ADGRB3: variants seen among roughly 807,000 people sequenced by gnomAD.
ADGRB3 encodes brain-specific angiogenesis inhibitor 3.
Under a neutral mutation model 193.4 loss-of-function variants are expected in ADGRB3, and 37 were observed. The ratio of observed to expected loss-of-function variants is 0.19; its 90% CI spans 0.15 to 0.25. The LOEUF is 0.25. Among genes scored for constraint, ADGRB3 ranks in the 10% least tolerant of loss-of-function variants. ADGRB3 has a pLI of 1.00. For synonymous variants in ADGRB3, 690 were observed against 644.2 expected, an observed-to-expected ratio of 1.07 and a Z score of -1.08; for missense variants, 1,637 against 1,852.9, an observed-to-expected ratio of 0.88 and a Z score of 2.14.
Position 69,339,652 on chromosome 6 carries a change from T to C in ADGRB3, c.3459+148T>C, listed in dbSNP as rs1768934282. ...TGGGAATCAAAGCTGAAGGAATGCT[T>C]TAAGACACAGCTTGGGAGAGCCCCC... On this transcript the variant is annotated intron_variant, in intron 26 of 31. Transcript: ENST00000370598. 4.0e-6 allele frequency: 4 copies of C among 1,005,866 alleles called. No homozygotes were observed. In the Admixed American group the frequency reaches 7.1e-5, roughly 18 times the overall value. 62.3% of individuals were successfully genotyped at this position (1,005,866 alleles called of 1,614,324 possible). A position where few individuals can be genotyped will look rare whatever the true frequency, so the allele number is the denominator to read the frequency against.
intron 3 of ADGRB3, among the ~76,000 whole-genome samples, chr6:68,733,506 G>A (rs1765813747): frequency 6.6e-6 from 1 of 151,764 alleles, no homozygotes; most frequent in East Asian, 1.9e-4. Flanking sequence ...AGGGAGGAAA[G>A]CATTGAAAAC....
chr6:69,352,124 A>G (rs1048275314), intron 26 of ADGRB3, among the ~76,000 whole-genome samples: 1 of 152,160 alleles, frequency 6.6e-6, no homozygotes, highest in African/African-American at 2.4e-5. Flanking sequence ...TACTTTCTTA[A>G]TGGTTTCCCC....
At chr6:68,739,119 C>T (rs772060626) in intron 3 of ADGRB3, among the ~76,000 whole-genome samples, 19 of 152,092 alleles carry the variant, frequency 1.2e-4, no homozygotes, top group Non-Finnish European at 2.2e-4. Flanking sequence ...AGAAACGTAG[C>T]GATCATTGAT....
chr6:69,307,823 G>A (rs1425365090), intron 20 of ADGRB3, among the ~76,000 whole-genome samples: 1 of 151,394 alleles, frequency 6.6e-6, no homozygotes, highest in South Asian at 2.1e-4. Flanking sequence ...AATGGCTAAA[G>A]GGTGTGACTG....
At chr6:68,963,841 G>A (rs921781711) in intron 8 of ADGRB3, among the ~76,000 whole-genome samples, 112 of 152,062 alleles carry the variant, frequency 7.4e-4, no homozygotes, top group Non-Finnish European at 3.8e-4. Context: ...TTATTATATA[G>A]TATTATTATT....
chr6:69,010,304 G>T (rs1481915454), intron 11 of ADGRB3, among the ~76,000 whole-genome samples: 2 of 152,046 alleles, frequency 1.3e-5, no homozygotes, highest in Admixed American at 1.3e-4. Flanking sequence ...CCCAGAGTTA[G>T]TAGTGAATCA....
At chr6:69,282,182 TA>T (rs1767450619) in intron 20 of ADGRB3, among the ~76,000 whole-genome samples, 1 of 152,078 alleles carries the variant, frequency 6.6e-6, no homozygotes, top group Non-Finnish European at 1.5e-5. Context: ...ATTTGGCAAA[TA>T]AAATGAATAT....
At chr6:68,687,488 G>T (rs966517991) in intron 3 of ADGRB3, among the ~76,000 whole-genome samples, 8 of 151,988 alleles carry the variant, frequency 5.3e-5, no homozygotes, top group African/African-American at 1.9e-4. Context: ...CAGTTTTCAG[G>T]TATATGCGAT....
chr6:69,275,253 C>T (rs1301854325), intron 20 of ADGRB3, among the ~76,000 whole-genome samples: 1 of 152,038 alleles, frequency 6.6e-6, no homozygotes, highest in Non-Finnish European at 1.5e-5. Flanking sequence ...TTCAAAGGTA[C>T]TTCACAGTTT....
At chr6:68,695,397 T>C (rs186362580) in intron 3 of ADGRB3, among the ~76,000 whole-genome samples, 2 of 152,192 alleles carry the variant, frequency 1.3e-5, no homozygotes, top group African/African-American at 4.8e-5. Flanking sequence ...CTTCTTGCAC[T>C]CATTTACCAC....
intron 17 of ADGRB3, among the ~76,000 whole-genome samples, chr6:69,113,173 C>G (rs1773419519): frequency 6.6e-6 from 1 of 152,026 alleles, no homozygotes; most frequent in Non-Finnish European, 1.5e-5. Context: ...AGTACTGGAA[C>G]CAATCCCCTA....
chr6:69,313,369 T>C (rs1324734550), intron 20 of ADGRB3, among the ~76,000 whole-genome samples: 3 of 151,824 alleles, frequency 2.0e-5, no homozygotes, highest in Admixed American at 2.0e-4. Context: ...CATTCCACAT[T>C]GAAATAGTTC....
In ADGRB3 at chr6:69,151,632, G is replaced by A. The variant is rs527608663; in HGVS notation, c.2480+75594G>A. 1.4e-4 allele frequency among the ~76,000 whole-genome samples: 21 copies of A among 151,844 alleles called. No homozygotes were observed. The South Asian group carries it at 3.3e-3, about 24-fold the overall frequency. ...GATGGCTGTTAAATTCAGTGCTCCT[G>A]CAGACAGGACAATCAGTGGAAGCTT... On this transcript the variant is annotated intron_variant, in intron 17 of 31. Transcript: ENST00000370598.
At chr6:68,762,522 G>A (rs1015967869) in intron 3 of ADGRB3, among the ~76,000 whole-genome samples, 7 of 151,746 alleles carry the variant, frequency 4.6e-5, no homozygotes, top group Non-Finnish European at 1.0e-4. Flanking sequence ...TGATAGAGGT[G>A]ACCAAATAAA....
chr6:69,177,935 A>G (rs575996072), intron 17 of ADGRB3, among the ~76,000 whole-genome samples: 1 of 152,296 alleles, frequency 6.6e-6, no homozygotes, highest in African/African-American at 2.4e-5. Context: ...GGAGTATTCC[A>G]TAGATATCTA....
At chr6:69,016,612 C>T (rs543369601) in intron 12 of ADGRB3, among the ~76,000 whole-genome samples, 16 of 151,994 alleles carry the variant, frequency 1.1e-4, no homozygotes, top group African/African-American at 3.6e-4. Flanking sequence ...CAAGAGGCCT[C>T]TGAAGTTAGG....
chr6:69,023,749 A>G (rs1770341044), intron 13 of ADGRB3, among the ~76,000 whole-genome samples: 1 of 152,128 alleles, frequency 6.6e-6, no homozygotes, highest in Admixed American at 6.5e-5. Flanking sequence ...GTCCAAATGT[A>G]GATAGAAGGC....
At chr6:68,661,903 C>T (rs759405553) in intron 3 of ADGRB3, among the ~76,000 whole-genome samples, 23 of 151,268 alleles carry the variant, frequency 1.5e-4, no homozygotes, top group Middle Eastern at 3.4e-3. Context: ...TTGATTACAA[C>T]AGAAGTAATT....
chr6:68,777,983 C>G (rs567970000), intron 3 of ADGRB3, among the ~76,000 whole-genome samples: 1 of 151,990 alleles, frequency 6.6e-6, no homozygotes, highest in African/African-American at 2.4e-5. Context: ...ACCAACAAAG[C>G]CTGTTGATGC....
Sources: gnomAD v4.1 joint callset for allele counts (sites outside exome capture counted in the v4.1 genomes callset) on GRCh38, gnomAD v4.1.1 for gene constraint, MANE v1.5 for transcripts, NCBI Gene and HGNC (gene_info 2026-07-23, HGNC 2026-07-21) for gene names.